CAST: variants seen among roughly 807,000 people sequenced by gnomAD.
CAST encodes the protein MIR583 host.
A neutral mutation model predicts 119.6 loss-of-function variants in CAST; 76 were observed. The ratio of observed to expected loss-of-function variants is 0.64; its 90% CI spans 0.53 to 0.77. The LOEUF is 0.77. CAST is among the 30% of genes least tolerant of loss of function. The probability of loss-of-function intolerance (pLI) is 0.00; values close to 1 mark genes in which losing one functional copy is unlikely to be tolerated. For synonymous variants in CAST, 319 were observed against 331.6 expected, an observed-to-expected ratio of 0.96 and a Z score of 0.41; for missense variants, 953 against 946.5, an observed-to-expected ratio of 1.01 and a Z score of -0.09.
chr5:96,377,518 G>T, the CAST span, among the ~76,000 whole-genome samples: 140,827 of 152,240 alleles, frequency 0.93, 65,343 homozygotes, highest in African/African-American at 0.98. Flanking sequence ...TACAATTCCC[G>T]ACAGTGTTCA....
chr5:96,618,016 C>A (rs1335968027), intron 1 of CAST, among the ~76,000 whole-genome samples: 1 of 152,072 alleles, frequency 6.6e-6, no homozygotes, highest in Non-Finnish European at 1.5e-5. Context: ...GCTCTCCACA[C>A]AGGACAAGGA....
At chr5:96,130,277 TC>T in the CAST span, among the ~76,000 whole-genome samples, 2 of 151,658 alleles carry the variant, frequency 1.3e-5, no homozygotes, top group African/African-American at 4.8e-5. Context: ...ATCAGACAAA[TC>T]CCAATTTACG....
At chr5:96,051,780 C>T in the CAST span, among the ~76,000 whole-genome samples, 2 of 151,994 alleles carry the variant, frequency 1.3e-5, no homozygotes, top group African/African-American at 2.4e-5. Context: ...AGTCCCAAAC[C>T]GGAAACAAAA....
At chr5:96,412,755 T>TTTTTTTTTTTGTTTTG in the CAST span, among the ~76,000 whole-genome samples, 23 of 141,388 alleles carry the variant, frequency 1.6e-4, no homozygotes, top group African/African-American at 6.3e-4. Flanking sequence ...CTGTGATGTT[T>TTTTTTTTTTTGTTTTG]TTTTTTTTTT....
chr5:96,466,427 G>C, the CAST span, among the ~76,000 whole-genome samples: 3 of 152,122 alleles, frequency 2.0e-5, 1 homozygote, highest in Non-Finnish European at 4.4e-5. Context: ...AGTCAGAACT[G>C]TATGAAAGAG....
At chr5:96,174,281 G>T in the CAST span, among the ~76,000 whole-genome samples, 1 of 152,120 alleles carries the variant, frequency 6.6e-6, no homozygotes, top group Non-Finnish European at 1.5e-5. Flanking sequence ...TTCCAGTTCT[G>T]ATTCTTCTTG....
chr5:96,565,077 G>GGGGTGTGTGT lies in CAST; in HGVS notation c.60+35198_60+35199insGGTGTGTGTG, dbSNP rs1554068075. Among the ~76,000 whole-genome samples, 110 of 148,750 alleles carry GGGGTGTGTGT rather than the reference G, an allele frequency of 7.4e-4. No homozygotes were observed. The South Asian group carries it at 0.024, about 32-fold the overall frequency. On this transcript the variant is annotated intron_variant, in intron 1 of 11. Coordinates refer to the CAST transcript ENST00000505143. ...TTAAAGTATAAAAACACATGGGAAA[G>GGGGTGTGTGT]GTGTGTGTGTGTGTGTGTGTGTGTG...
At chr5:95,990,857 G>A in the CAST span, among the ~76,000 whole-genome samples, 2 of 151,966 alleles carry the variant, frequency 1.3e-5, no homozygotes, top group South Asian at 4.2e-4. Flanking sequence ...TCCCACCTCA[G>A]CCACCCAAAG....
At chr5:96,345,477 C>A in the CAST span, among the ~76,000 whole-genome samples, 1 of 152,184 alleles carries the variant, frequency 6.6e-6, no homozygotes, top group Non-Finnish European at 1.5e-5. Flanking sequence ...TTGATCTGTC[C>A]TTTCACTTTC....
the CAST span, among the ~76,000 whole-genome samples, chr5:96,112,401 A>G: frequency 1.3e-5 from 2 of 152,192 alleles, no homozygotes; most frequent in Admixed American, 1.3e-4. Context: ...TACTGTAAAT[A>G]AAAAATGGAA....
the CAST span, among the ~76,000 whole-genome samples, chr5:96,253,554 T>G: frequency 6.6e-6 from 1 of 152,226 alleles, no homozygotes; most frequent in Admixed American, 6.6e-5. Context: ...GTTATTCACA[T>G]TTTCCAAATC....
chr5:96,308,568 T>C, the CAST span, among the ~76,000 whole-genome samples: 5 of 152,154 alleles, frequency 3.3e-5, no homozygotes, highest in Non-Finnish European at 7.4e-5. Context: ...CTTTTTGCGC[T>C]GGTTTCTCCC....
At chr5:96,255,224 C>T in the CAST span, among the ~76,000 whole-genome samples, 1 of 152,134 alleles carries the variant, frequency 6.6e-6, no homozygotes, top group African/African-American at 2.4e-5. Flanking sequence ...GATGCTGCTT[C>T]ATGATATGTG....
At chr5:96,065,808 A>G in the CAST span, among the ~76,000 whole-genome samples, 1 of 152,258 alleles carries the variant, frequency 6.6e-6, no homozygotes, top group South Asian at 2.1e-4. Flanking sequence ...TTAAAGGTTT[A>G]ATTCTAGGGC....
chr5:96,180,530 C>G, the CAST span, among the ~76,000 whole-genome samples: 1 of 152,010 alleles, frequency 6.6e-6, no homozygotes, highest in Admixed American at 6.6e-5. Context: ...CCACAACAAT[C>G]ATATGAAAAC....
chr5:96,554,198 A>T (rs1163355890), intron 1 of CAST, among the ~76,000 whole-genome samples: 1 of 152,256 alleles, frequency 6.6e-6, no homozygotes. Flanking sequence ...TACTGGTACC[A>T]AAACAGATAT....
the CAST span, among the ~76,000 whole-genome samples, chr5:96,239,234 A>G: frequency 8.5e-5 from 13 of 152,162 alleles, no homozygotes; most frequent in African/African-American, 3.1e-4. Context: ...AACATATGTA[A>G]TATACTTAAG....
the CAST span, chr5:96,415,921 A>G: frequency 1.3e-6 from 1 of 746,432 alleles, no homozygotes; most frequent in South Asian, 1.4e-5. Flanking sequence ...TTGGCATGGA[A>G]CTAATTTGTT....
chr5:96,526,169 T>C (rs1369241321), upstream of CAST, among the ~76,000 whole-genome samples: 1 of 152,146 alleles, frequency 6.6e-6, no homozygotes, highest in Admixed American at 6.5e-5. Context: ...TAAGACAAAG[T>C]AACAGGAGAA....
Sources: allele counts gnomAD v4.1 joint callset (sites outside exome capture counted in the v4.1 genomes callset), GRCh38; gene constraint gnomAD v4.1.1; transcripts MANE v1.5; gene names NCBI Gene and HGNC (gene_info 2026-07-23, HGNC 2026-07-21).